The following RBPJ variants were observed in gnomAD, a reference collection of about 807,000 sequenced individuals.
RBPJ encodes the protein recombining binding protein suppressor of hairless.
In RBPJ, 9 loss-of-function variants were observed where a neutral mutation model predicts 67.8. The observed-to-expected ratio is 0.13, with a 90% confidence interval of 0.08 to 0.23. The LOEUF is 0.23. Among genes scored for constraint, RBPJ ranks in the 10% least tolerant of loss-of-function variants. RBPJ has a pLI of 1.00. For synonymous variants in RBPJ, 198 were observed against 203.3 expected, an observed-to-expected ratio of 0.97 and a Z score of 0.22; for missense variants, 305 against 595.6, an observed-to-expected ratio of 0.51 and a Z score of 5.08.
Position 26,215,201 on chromosome 4 carries a change from A to G in RBPJ, c.-167+51587A>G, listed in dbSNP as rs1309247347. ...AGGAAGGAAGGAAGGAAGGAAAAAGAGAGAGAAAGAAAGAGAAAAAGAGAG... is the reference window on the plus strand; with the variant it reads ...AGGAAGGAAGGAAGGAAGGAAAAAGGGAGAGAAAGAAAGAGAAAAAGAGAG... On this transcript the variant is annotated intron_variant, in intron 1 of 4. Coordinates refer to the RBPJ transcript ENST00000512351. Among the ~76,000 whole-genome samples, 17 of 65,554 alleles carry G rather than the reference A, an allele frequency of 2.6e-4. 4 individuals carry two copies. Among genetic ancestry groups the G allele is most frequent in the African/African-American group, 1.1e-3 (17 of 14,784 alleles). 43.0% of individuals were successfully genotyped at this position (65,554 alleles called of 152,430 possible). A position where few individuals can be genotyped will look rare whatever the true frequency, so the allele number is the denominator to read the frequency against.
chr4:26,317,461 CA>C (rs1004508320), upstream of RBPJ, among the ~76,000 whole-genome samples: 33 of 152,126 alleles, frequency 2.2e-4, no homozygotes, highest in African/African-American at 5.1e-4. Context: ...GCAGATAGAT[CA>C]GGGGGGGTTT....
chr4:26,118,085 A>G, the RBPJ span, among the ~76,000 whole-genome samples: 1 of 152,120 alleles, frequency 6.6e-6, no homozygotes. Context: ...TACTTCTACA[A>G]ACTTGCTTGA....
intron 1 of RBPJ, among the ~76,000 whole-genome samples, chr4:26,273,897 A>G (rs1720999073): frequency 6.6e-6 from 1 of 152,064 alleles, no homozygotes; most frequent in South Asian, 2.1e-4. Flanking sequence ...TGGGAATCCG[A>G]TTAGGCCCGG....
chr4:26,162,160 A>G (rs1397290003), upstream of RBPJ, among the ~76,000 whole-genome samples: 1 of 152,186 alleles, frequency 6.6e-6, no homozygotes, highest in East Asian at 1.9e-4. Flanking sequence ...GTGAAGTGGG[A>G]TGGGGGACAC....
intron 1 of RBPJ, among the ~76,000 whole-genome samples, chr4:26,172,498 T>C (rs1222860454): frequency 1.3e-5 from 2 of 152,212 alleles, no homozygotes; most frequent in Non-Finnish European, 2.9e-5. Context: ...ATAACTGTCA[T>C]TTCCTATCCA....
intron 1 of RBPJ, among the ~76,000 whole-genome samples, chr4:26,167,863 T>C (rs140887741): frequency 7.9e-5 from 12 of 152,204 alleles, no homozygotes; most frequent in Non-Finnish European, 1.5e-4. Context: ...TTGTCATAGA[T>C]AGCTCTTATT....
intron 1 of RBPJ, among the ~76,000 whole-genome samples, chr4:26,187,368 G>T (rs1041823812): frequency 6.6e-6 from 1 of 151,962 alleles, no homozygotes; most frequent in Admixed American, 6.6e-5. Flanking sequence ...ATGTGTTAAA[G>T]TCTTTTGTTG....
chr4:26,238,931 G>A (rs1474651805), intron 1 of RBPJ, among the ~76,000 whole-genome samples: 3 of 152,056 alleles, frequency 2.0e-5, no homozygotes, highest in Admixed American at 6.6e-5. Context: ...AGAGATCAAC[G>A]CTCCAGGCAC....
intron 1 of RBPJ, among the ~76,000 whole-genome samples, chr4:26,270,391 A>G (rs1720853659): frequency 1.8e-5 from 1 of 56,476 alleles, no homozygotes; most frequent in East Asian, 4.4e-4. Context: ...GAAAGAAAGA[A>G]AGAAAGAAAG....
At chr4:26,210,744 C>CTTCTCTCTTTCTTTCT (rs1718378653) in intron 1 of RBPJ, among the ~76,000 whole-genome samples, 1 of 47,882 alleles carries the variant, frequency 2.1e-5, no homozygotes, top group Non-Finnish European at 4.0e-5. Flanking sequence ...TACTTCTTTC[C>CTTCTCTCTTTCTTTCT]TTCTTTCCTT....
chr4:26,113,274 C>T, the RBPJ span: 4 of 361,614 alleles, frequency 1.1e-5, no homozygotes, highest in South Asian at 1.3e-4. Context: ...CAAGAAGTTA[C>T]ATCTCACTCA....
chr4:26,207,856 C>T (rs774961283), intron 1 of RBPJ, among the ~76,000 whole-genome samples: 10 of 152,216 alleles, frequency 6.6e-5, no homozygotes, highest in Non-Finnish European at 1.2e-4. Flanking sequence ...ATGCATGAGC[C>T]GTCAGGAGGC....
intron 1 of RBPJ, among the ~76,000 whole-genome samples, chr4:26,283,933 CA>C (rs1721372318): frequency 6.6e-6 from 1 of 152,146 alleles, no homozygotes; most frequent in South Asian, 2.1e-4. Context: ...CATGAGCCAC[CA>C]CGCCTGGCCT....
At chr4:26,143,409 A>G in the RBPJ span, among the ~76,000 whole-genome samples, 7 of 152,200 alleles carry the variant, frequency 4.6e-5, no homozygotes, top group East Asian at 3.8e-4. Flanking sequence ...AGTTCCTCCA[A>G]TGAATGACTT....
chr4:26,284,456 CTA>C (rs1560243933), intron 1 of RBPJ, among the ~76,000 whole-genome samples: 1 of 152,100 alleles, frequency 6.6e-6, no homozygotes, highest in African/African-American at 2.4e-5. Flanking sequence ...CATATGAACT[CTA>C]TTTTAATTTT....
chr4:26,342,905 A>G (rs1243564329), intron 1 of RBPJ, among the ~76,000 whole-genome samples: 1 of 152,166 alleles, frequency 6.6e-6, no homozygotes, highest in Non-Finnish European at 1.5e-5. Flanking sequence ...CAAGATTCTC[A>G]TGTTTTTTGG....
rs139610056 is a variant in RBPJ at position 26,308,872 on chromosome 4, A to G, written c.-166-53574A>G. On this transcript the variant is annotated intron_variant, in intron 1 of 4. Transcript: ENST00000512351. ...AAGGCCATCTGTGTTCAAGGTTAAT[A>G]GTAACATAGGCCAGAGAAGAAAATA... Among the ~76,000 whole-genome samples the G allele has an allele frequency of 1.0e-3, 159 of 152,350 alleles. 2 individuals are homozygous for G. The highest frequency in any genetic ancestry group is 3.5e-3 in the African/African-American group (147 of 41,580).
the RBPJ span, among the ~76,000 whole-genome samples, chr4:26,106,557 G>T: frequency 2.1e-4 from 32 of 152,230 alleles, no homozygotes; most frequent in African/African-American, 7.5e-4. Context: ...ATTGTGGCTC[G>T]GATGGGGTAT....
chr4:26,349,452 T>C (rs1726573065), intron 1 of RBPJ, among the ~76,000 whole-genome samples: 1 of 152,230 alleles, frequency 6.6e-6, no homozygotes, highest in African/African-American at 2.4e-5. Flanking sequence ...ATATCACTTC[T>C]TTAATACTTT....
Sources: allele counts gnomAD v4.1 joint callset (sites outside exome capture counted in the v4.1 genomes callset), GRCh38; gene constraint gnomAD v4.1.1; transcripts MANE v1.5; gene names NCBI Gene and HGNC (gene_info 2026-07-23, HGNC 2026-07-21).